Variants in CPS1 observed in about 807,000 individuals in gnomAD.
The protein encoded by CPS1 is carbamoyl-phosphate synthase [ammonia], mitochondrial.
CPS1 carries 109 observed loss-of-function variants against 174.6 expected under a neutral mutation model. The observed-to-expected ratio is 0.62, with a 90% CI of 0.53 to 0.73. The LOEUF is 0.73. Among genes scored for constraint, CPS1 ranks in the 30% least tolerant of loss-of-function variants. CPS1 has a pLI of 0.00. For synonymous variants in CPS1, 637 were observed against 632.0 expected (o/e 1.01, Z -0.12); for missense variants, 1,689 against 1,821.9 (o/e 0.93, Z 1.33).
At chr2:210,605,010 A>G in intron 16 of CPS1, 92 bp from the exon 17 acceptor site, 1 of 1,417,544 alleles carries the variant, frequency 7.1e-7, no homozygotes, top group Non-Finnish European at 9.9e-7. Context: ...TTCAGTGCTG[A>G]CCAGGATTTA....
At chr2:210,557,454 A>G (rs1364397090) in intron 1 of CPS1, among the ~76,000 whole-genome samples, 3 of 152,028 alleles carry the variant, frequency 2.0e-5, no homozygotes. Context: ...AGAGGCAGAT[A>G]GCAGCTGATA....
chr2:210,565,136 A>G (rs938348528), intron 1 of CPS1, among the ~76,000 whole-genome samples: 3 of 152,178 alleles, frequency 2.0e-5, no homozygotes, highest in Middle Eastern at 3.2e-3. Context: ...AAGATTAAAC[A>G]TGGAGCAATT....
intron 30 of CPS1, among the ~76,000 whole-genome samples, chr2:210,657,153 A>ATGCTTTC (rs1700737073): frequency 2.0e-5 from 3 of 152,084 alleles, no homozygotes; most frequent in African/African-American, 4.8e-5. Context: ...TCTGGAATCT[A>ATGCTTTC]TGCTTTCCCT....
At chr2:210,562,357 C>A (rs1697130497) in intron 1 of CPS1, among the ~76,000 whole-genome samples, 1 of 152,126 alleles carries the variant, frequency 6.6e-6, no homozygotes, top group African/African-American at 2.4e-5. Context: ...GTGGTAAGGC[C>A]TAATTGATTA....
Position 210,502,737 on chromosome 2 carries a change from G to T in CPS1, c.3+24971G>T, listed in dbSNP as rs142809527. 1.2e-3 allele frequency among the ~76,000 whole-genome samples: 186 copies of T among 152,142 alleles called. 2 individuals carry two copies. Among genetic ancestry groups the T allele is most frequent in the African/African-American group, 4.3e-3 (180 of 41,520 alleles). ...CTGCCCTGACCCTTCATAGTCTCGT[G>T]ACTTTCACATTGCTCTAATAAGATA... On this transcript the variant is annotated intron_variant, in intron 1 of 38. Coordinates refer to the CPS1 transcript ENST00000430249.
intron 1 of CPS1, among the ~76,000 whole-genome samples, chr2:210,564,739 T>C (rs1697243414): frequency 6.7e-6 from 1 of 150,072 alleles, no homozygotes; most frequent in African/African-American, 2.4e-5. Context: ...ACACCTGTAA[T>C]TCCAGCACTT....
chr2:210,480,266 CA>C (rs564395178), intron 1 of CPS1, among the ~76,000 whole-genome samples: 2 of 152,280 alleles, frequency 1.3e-5, no homozygotes, highest in Admixed American at 1.3e-4. Flanking sequence ...TGGGATTTGT[CA>C]CTTCCCTCGT....
chr2:210,666,169 G>A (rs1382886795), intron 33 of CPS1, among the ~76,000 whole-genome samples: 28 of 151,594 alleles, frequency 1.8e-4, no homozygotes, highest in Admixed American at 6.6e-4. Flanking sequence ...TTTTTGATGG[G>A]GTTGTTTGTT....
chr2:210,644,226 T>G (rs1426648208), intron 25 of CPS1, among the ~76,000 whole-genome samples: 1 of 152,094 alleles, frequency 6.6e-6, no homozygotes, highest in African/African-American at 2.4e-5. Context: ...CTAATTGGTA[T>G]TTAAAATATA....
At chr2:210,653,366 G>A (rs1700614956) in intron 28 of CPS1, among the ~76,000 whole-genome samples, 1 of 152,136 alleles carries the variant, frequency 6.6e-6, no homozygotes, top group Non-Finnish European at 1.5e-5. Context: ...GAGGAAATGA[G>A]TGTGGGAAGC....
At chr2:210,531,962 C>T (rs564012562) in intron 1 of CPS1, among the ~76,000 whole-genome samples, 1 of 152,146 alleles carries the variant, frequency 6.6e-6, no homozygotes, top group African/African-American at 2.4e-5. Context: ...CCCAGGTCAG[C>T]GAGAGTAAGA....
chr2:210,582,588 T>A, intron 5 of CPS1, 29 bp from the exon 6 acceptor site: 6 of 1,555,030 alleles, frequency 3.9e-6, no homozygotes, highest in Non-Finnish European at 5.3e-6. Flanking sequence ...TTGCTTCCTT[T>A]TAACTGTCTA....
intron 1 of CPS1, among the ~76,000 whole-genome samples, chr2:210,505,832 G>T (rs1008090476): frequency 6.6e-6 from 1 of 152,210 alleles, no homozygotes; most frequent in Non-Finnish European, 1.5e-5. Flanking sequence ...GTGGCAGCGA[G>T]GCTGGGGGAG....
chr2:210,530,706 G>A (rs538774796), intron 1 of CPS1, among the ~76,000 whole-genome samples: 1 of 152,146 alleles, frequency 6.6e-6, no homozygotes, highest in Admixed American at 6.5e-5. Flanking sequence ...ACTTACTGCA[G>A]CATCGTAAAT....
chr2:210,541,542 T>C (rs1290274730), intron 1 of CPS1, among the ~76,000 whole-genome samples: 1 of 152,080 alleles, frequency 6.6e-6, no homozygotes, highest in Non-Finnish European at 1.5e-5. Flanking sequence ...ACCCCTCTTA[T>C]GTAGAGAAGG....
chr2:210,532,101 T>C (rs11898320), intron 1 of CPS1, among the ~76,000 whole-genome samples: 136 of 152,230 alleles, frequency 8.9e-4, no homozygotes, highest in African/African-American at 3.3e-3. Flanking sequence ...TGCATCATGG[T>C]TTTTTTATTT....
intron 6 of CPS1, among the ~76,000 whole-genome samples, chr2:210,584,604 T>C (rs993276576): frequency 1.3e-5 from 2 of 152,048 alleles, no homozygotes; most frequent in African/African-American, 4.8e-5. Context: ...CAACCAAGCT[T>C]TTTTGAACAC....
intron 1 of CPS1, among the ~76,000 whole-genome samples, chr2:210,479,058 T>C (rs1474393138): frequency 1.3e-5 from 2 of 152,038 alleles, no homozygotes; most frequent in African/African-American, 4.8e-5. Context: ...TTATTGTTTG[T>C]ATTTATCTAC....
chr2:210,607,130 A>G (rs1474109283), intron 18 of CPS1, among the ~76,000 whole-genome samples, 189 bp downstream of exon 18: 2 of 151,954 alleles, frequency 1.3e-5, no homozygotes, highest in African/African-American at 2.4e-5. Flanking sequence ...GAGGTAAATT[A>G]TATTGCTAGC....
Sources: allele counts gnomAD v4.1 joint callset (sites outside exome capture counted in the v4.1 genomes callset), GRCh38; gene constraint gnomAD v4.1.1; transcripts MANE v1.5; gene names NCBI Gene and HGNC (gene_info 2026-07-23, HGNC 2026-07-21).